The following CPVL variants were observed in gnomAD, a reference collection of about 807,000 sequenced individuals.
The protein encoded by CPVL is probable serine carboxypeptidase CPVL.
CPVL carries 51 observed loss-of-function variants against 63.7 expected under a neutral mutation model. The observed-to-expected ratio is 0.80, with a 90% CI of 0.64 to 1.01. The LOEUF (loss-of-function observed/expected upper bound fraction) is 1.01. CPVL is among the 50% of genes least tolerant of loss of function. The probability of loss-of-function intolerance (pLI) is 0.00; values close to 1 mark genes in which losing one functional copy is unlikely to be tolerated. For synonymous variants in CPVL, 195 were observed against 206.0 expected (o/e 0.95, Z 0.46); for missense variants, 530 against 573.1 (o/e 0.92, Z 0.77).
intron 3 of CPVL, among the ~76,000 whole-genome samples, chr7:29,103,083 T>G (rs1372211243): frequency 6.9e-6 from 1 of 144,288 alleles, no homozygotes; most frequent in Non-Finnish European, 1.5e-5. Context: ...TCAGCCCTTA[T>G]CCCCCAGGCC....
chr7:29,108,298 G>A lies in CPVL; in HGVS notation c.288+4406C>T, dbSNP rs377743534. ...ACTGATCTGCAGGTTTTGGCTAAAT[G>A]TGTCCAATGAATTATCTATGTTCCT... On this transcript the variant is annotated intron_variant, in intron 3 of 12. Coordinates refer to ENST00000265394, the MANE Select transcript of CPVL (RefSeq NM_031311.5). 3.3e-4 allele frequency among the ~76,000 whole-genome samples: 51 copies of A among 152,340 alleles called. No homozygotes were observed. In the East Asian group the frequency reaches 5.2e-3, roughly 16 times the overall value.
intron 12 of CPVL, among the ~76,000 whole-genome samples, chr7:29,018,166 T>TA (rs1335214605): frequency 6.6e-6 from 1 of 152,178 alleles, no homozygotes; most frequent in Non-Finnish European, 1.5e-5. Context: ...TAAGATTCGG[T>TA]AAAAATGAAA....
At chr7:29,156,311 T>C (rs1363512480) in intron 5 of CPVL, among the ~76,000 whole-genome samples, 1 of 152,192 alleles carries the variant, frequency 6.6e-6, no homozygotes, top group Non-Finnish European at 1.5e-5. Flanking sequence ...TCAAAACAAA[T>C]TTCGATGATT....
At chr7:29,063,091 G>A (rs1382634879) in intron 11 of CPVL, among the ~76,000 whole-genome samples, 1 of 152,126 alleles carries the variant, frequency 6.6e-6, no homozygotes, top group African/African-American at 2.4e-5. Flanking sequence ...ATTTGCTCTT[G>A]GTGTCCTCCT....
intron 4 of CPVL, among the ~76,000 whole-genome samples, chr7:29,095,697 C>G (rs1197510747): frequency 1.5e-4 from 23 of 152,146 alleles, no homozygotes. Flanking sequence ...GGAATAGCGT[C>G]TTGCTTCCAA....
intron 12 of CPVL, among the ~76,000 whole-genome samples, chr7:29,014,560 T>C (rs1400897534): frequency 6.6e-6 from 1 of 152,104 alleles, no homozygotes; most frequent in Admixed American, 6.6e-5. Flanking sequence ...CAGGCTAGTC[T>C]TGAACTCCTG....
At chr7:29,106,492 A>T (rs1787732438) in intron 3 of CPVL, among the ~76,000 whole-genome samples, 1 of 152,096 alleles carries the variant, frequency 6.6e-6, no homozygotes, top group South Asian at 2.1e-4. Context: ...CAGACTAGGC[A>T]GTGGGGCCAA....
chr7:29,023,494 A>G (rs911837071), intron 12 of CPVL, among the ~76,000 whole-genome samples: 4 of 152,116 alleles, frequency 2.6e-5, no homozygotes, highest in Non-Finnish European at 5.9e-5. Flanking sequence ...GGATTATGGG[A>G]GCTACAACTC....
chr7:29,089,860 CT>C (rs112115146), intron 6 of CPVL, among the ~76,000 whole-genome samples: 17,493 of 142,704 alleles, frequency 0.12, 3,229 homozygotes, highest in African/African-American at 0.41. Context: ...CCATTGAATT[CT>C]TTTTTTTTTT....
chr7:29,055,487 G>T (rs1297467434), intron 11 of CPVL, among the ~76,000 whole-genome samples: 1 of 152,196 alleles, frequency 6.6e-6, no homozygotes, highest in Non-Finnish European at 1.5e-5. Context: ...CTGACCTCAG[G>T]TCATGTGCCC....
intron 11 of CPVL, among the ~76,000 whole-genome samples, chr7:29,062,049 C>T (rs1782658904): frequency 6.6e-6 from 1 of 152,072 alleles, no homozygotes; most frequent in Non-Finnish European, 1.5e-5. Flanking sequence ...TTCACTCGTT[C>T]CATTCCTTAA....
chr7:29,187,141 T>G (rs1369013471), intron 1 of CPVL, among the ~76,000 whole-genome samples: 2 of 152,182 alleles, frequency 1.3e-5, no homozygotes, highest in African/African-American at 4.8e-5. Context: ...TCATAATACC[T>G]GGAGCAGTAG....
At chr7:29,162,926 C>T (rs60905785) in intron 5 of CPVL, among the ~76,000 whole-genome samples, 18,704 of 152,032 alleles carry the variant, frequency 0.12, 1,300 homozygotes, top group African/African-American at 0.18. Flanking sequence ...TGTGATAAAA[C>T]GTTATAGAAA....
At chr7:29,143,224 A>G (rs1323862851) in intron 1 of CPVL, among the ~76,000 whole-genome samples, 1 of 152,214 alleles carries the variant, frequency 6.6e-6, no homozygotes. Flanking sequence ...CTCTTAGCCT[A>G]TGCTCCGCCA....
At chr7:29,043,834 C>T (rs1299789187) in intron 11 of CPVL, among the ~76,000 whole-genome samples, 5 of 152,084 alleles carry the variant, frequency 3.3e-5, no homozygotes, top group Admixed American at 1.3e-4. Flanking sequence ...GGGCTTCTGT[C>T]GGCAGTGGGA....
At chr7:29,145,383 C>G (rs904570637) in intron 1 of CPVL, among the ~76,000 whole-genome samples, 12 of 151,944 alleles carry the variant, frequency 7.9e-5, no homozygotes, top group Admixed American at 7.9e-4. Context: ...AGTTACGTCC[C>G]TGATGTCATC....
intron 1 of CPVL, chr7:29,194,836 T>G (rs2128760671): frequency 9.3e-7 from 1 of 1,078,424 alleles, no homozygotes; most frequent in Admixed American, 4.3e-5. Flanking sequence ...CCCCAGGACT[T>G]TGCCATGGGC....
intron 2 of CPVL, among the ~76,000 whole-genome samples, chr7:29,120,165 T>C (rs1789212765): frequency 6.6e-6 from 1 of 152,226 alleles, no homozygotes; most frequent in Non-Finnish European, 1.5e-5. Flanking sequence ...CTCATGCCTA[T>C]AATCCCAGCA....
chr7:29,082,924 C>T (rs955200367), intron 7 of CPVL, among the ~76,000 whole-genome samples: 1 of 152,146 alleles, frequency 6.6e-6, no homozygotes, highest in African/African-American at 2.4e-5. Context: ...GACCACTCTT[C>T]TGTGGGAGGT....
Sources: gnomAD v4.1 joint callset for allele counts (sites outside exome capture counted in the v4.1 genomes callset) on GRCh38, gnomAD v4.1.1 for gene constraint, MANE v1.5 for transcripts, NCBI Gene and HGNC (gene_info 2026-07-23, HGNC 2026-07-21) for gene names.